KCNT2: variants seen among roughly 807,000 people sequenced by gnomAD.
The protein encoded by KCNT2 is potassium channel subfamily T member 2.
In KCNT2, 67 loss-of-function variants were observed where a neutral mutation model predicts 153.8. The ratio of observed to expected loss-of-function variants is 0.44; its 90% confidence interval spans 0.36 to 0.53. The LOEUF (loss-of-function observed/expected upper bound fraction) is 0.53. Among genes scored for constraint, KCNT2 ranks in the 20% least tolerant of loss-of-function variants. The pLI is 0.00. For synonymous variants in KCNT2, 500 were observed against 458.8 expected, an observed-to-expected ratio of 1.09 and a Z score of -1.15; for missense variants, 975 against 1,354.8, an observed-to-expected ratio of 0.72 and a Z score of 4.40.
chr1:196,259,685 G>C (rs573361841), intron 25 of KCNT2: 1 of 151,954 alleles, frequency 6.6e-6, no homozygotes, highest in South Asian at 2.1e-4. Context: ...ATTCCCAGTG[G>C]CAAGCTATGA....
chr1:196,302,362 C>T (rs1008748574), intron 22 of KCNT2, among the ~76,000 whole-genome samples: 22 of 152,030 alleles, frequency 1.4e-4, no homozygotes, highest in Non-Finnish European at 2.9e-4. Flanking sequence ...CCATATCATT[C>T]ATGGAACATT....
At chr1:196,229,332 T>C (rs1424389392) in intron 27 of KCNT2, among the ~76,000 whole-genome samples, 1 of 151,998 alleles carries the variant, frequency 6.6e-6, no homozygotes, top group Non-Finnish European at 1.5e-5. Context: ...ATGTTCCTAT[T>C]GTAATTGTTT....
intron 14 of KCNT2, among the ~76,000 whole-genome samples, chr1:196,351,911 T>A (rs1666740176): frequency 6.6e-6 from 1 of 152,222 alleles, no homozygotes; most frequent in African/African-American, 2.4e-5. Flanking sequence ...GTTTTTAGCA[T>A]GAAGGGTTGT....
intron 1 of KCNT2, among the ~76,000 whole-genome samples, chr1:196,512,247 C>T (rs1681693613): frequency 6.8e-6 from 1 of 147,820 alleles, no homozygotes; most frequent in African/African-American, 2.4e-5. Context: ...CCTCAGCTGG[C>T]TCTTTCTGCT....
chr1:196,290,197 A>G (rs141171998), intron 22 of KCNT2, among the ~76,000 whole-genome samples: 2 of 152,184 alleles, frequency 1.3e-5, no homozygotes, highest in East Asian at 3.9e-4. Flanking sequence ...GGACCCAATC[A>G]TAATGTAATT....
intron 25 of KCNT2, among the ~76,000 whole-genome samples, chr1:196,259,224 T>C (rs1044899676): frequency 7.9e-5 from 12 of 152,214 alleles, no homozygotes; most frequent in African/African-American, 2.9e-4. Flanking sequence ...CTGTTCTCCA[T>C]AGGAGGGAAA....
At chr1:196,338,999 A>G (rs1466558346) in intron 16 of KCNT2, among the ~76,000 whole-genome samples, 1 of 151,310 alleles carries the variant, frequency 6.6e-6, no homozygotes, top group Non-Finnish European at 1.5e-5. Context: ...ACGGTGTTGA[A>G]TGACTGAATG....
At chr1:196,435,103 C>T (rs953724095) in intron 8 of KCNT2, among the ~76,000 whole-genome samples, 11 of 121,362 alleles carry the variant, frequency 9.1e-5, no homozygotes, top group Non-Finnish European at 1.7e-5. Context: ...GGGTGTTTTG[C>T]TATTTAGCAA....
intron 22 of KCNT2, among the ~76,000 whole-genome samples, chr1:196,290,089 TA>T (rs1039336872): frequency 1.1e-3 from 169 of 147,320 alleles, no homozygotes; most frequent in Admixed American, 3.6e-3. Flanking sequence ...GTGTGGGAGG[TA>T]AAAAAAAAAA....
At chr1:196,374,009 G>A (rs1194318036) in intron 13 of KCNT2, among the ~76,000 whole-genome samples, 1 of 151,824 alleles carries the variant, frequency 6.6e-6, no homozygotes, top group Non-Finnish European at 1.5e-5. Flanking sequence ...GCCAAGCATT[G>A]TTATGCAGGA....
intron 16 of KCNT2, among the ~76,000 whole-genome samples, chr1:196,339,791 G>A (rs1254415972): frequency 6.6e-6 from 1 of 151,962 alleles, no homozygotes; most frequent in Admixed American, 6.6e-5. Context: ...TTTGCATGGA[G>A]GTATTTTTTC....
chr1:196,465,719 C>A (rs1374097977), intron 7 of KCNT2, among the ~76,000 whole-genome samples: 1 of 151,518 alleles, frequency 6.6e-6, no homozygotes, highest in Non-Finnish European at 1.5e-5. Flanking sequence ...TATGGAAAAT[C>A]CTAATTTCAA....
chr1:196,399,803 C>T (rs1433543699), intron 12 of KCNT2, among the ~76,000 whole-genome samples: 1 of 151,644 alleles, frequency 6.6e-6, no homozygotes, highest in Non-Finnish European at 1.5e-5. Context: ...GGATTAATAC[C>T]CATATAAAAG....
intron 27 of KCNT2, among the ~76,000 whole-genome samples, chr1:196,228,685 A>G (rs750387129): frequency 3.9e-5 from 6 of 152,080 alleles, no homozygotes; most frequent in Admixed American, 6.6e-5. Flanking sequence ...ATGATTAAGT[A>G]TGCTGTTGAC....
chr1:196,405,480 C>T (rs929366185), intron 12 of KCNT2, among the ~76,000 whole-genome samples: 2 of 151,350 alleles, frequency 1.3e-5, no homozygotes, highest in South Asian at 2.1e-4. Context: ...ATTTGTTGTT[C>T]TAAGGACTTA....
intron 1 of KCNT2, among the ~76,000 whole-genome samples, chr1:196,567,013 A>G (rs908305724): frequency 1.3e-5 from 2 of 152,176 alleles, no homozygotes; most frequent in African/African-American, 2.4e-5. Flanking sequence ...AAATGCATCA[A>G]TAAATACACA....
intron 26 of KCNT2, among the ~76,000 whole-genome samples, chr1:196,253,779 A>T (rs896752211): frequency 1.3e-5 from 2 of 151,632 alleles, no homozygotes. Flanking sequence ...TTGACTATTT[A>T]TACTCAACCA....
chr1:196,353,105 A>G (rs1479383765), intron 14 of KCNT2, among the ~76,000 whole-genome samples: 3 of 151,916 alleles, frequency 2.0e-5, no homozygotes, highest in African/African-American at 7.2e-5. Context: ...GCGCAAGAGT[A>G]TGGGCTGCTC....
chr1:196,305,048 T>C (rs1331759630), intron 22 of KCNT2, among the ~76,000 whole-genome samples, 186 bp downstream of exon 22: 1 of 152,204 alleles, frequency 6.6e-6, no homozygotes, highest in Admixed American at 6.5e-5. Context: ...ACCTGTGATA[T>C]AAATCGTTCA....
Sources: gnomAD v4.1 joint callset for allele counts (sites outside exome capture counted in the v4.1 genomes callset) on GRCh38, gnomAD v4.1.1 for gene constraint, MANE v1.5 for transcripts, NCBI Gene and HGNC (gene_info 2026-07-23, HGNC 2026-07-21) for gene names.